Variants in INPP4B observed in about 807,000 individuals in gnomAD.
INPP4B encodes the protein inositol polyphosphate-4-phosphatase type II B.
INPP4B carries 55 observed loss-of-function variants against 122.5 expected under a neutral mutation model. The ratio of observed to expected loss-of-function variants is 0.45; its 90% CI spans 0.36 to 0.56. The LOEUF is 0.56. INPP4B is among the 20% of genes least tolerant of loss of function. The pLI, the probability that INPP4B is intolerant of heterozygous loss-of-function variation, is 0.00. For synonymous variants in INPP4B, 403 were observed against 388.7 expected (o/e 1.04, Z -0.43); for missense variants, 1,000 against 1,097.7 (o/e 0.91, Z 1.26).
At chr4:142,384,442 C>A (rs1270046947) in intron 7 of INPP4B, among the ~76,000 whole-genome samples, 3 of 152,166 alleles carry the variant, frequency 2.0e-5, no homozygotes, top group Non-Finnish European at 4.4e-5. Flanking sequence ...CCCTTGGCTG[C>A]AAACCTGTAC....
At chr4:142,037,126 C>T (rs955831657) in intron 25 of INPP4B, among the ~76,000 whole-genome samples, 3 of 152,158 alleles carry the variant, frequency 2.0e-5, no homozygotes, top group African/African-American at 7.2e-5. Context: ...CAAGATCAGA[C>T]ACTTAAGGGC....
chr4:142,345,091 C>A (rs998148111), intron 7 of INPP4B, among the ~76,000 whole-genome samples: 13 of 151,950 alleles, frequency 8.6e-5, no homozygotes, highest in African/African-American at 2.4e-4. Flanking sequence ...TATTTCTGTG[C>A]AGTCTTAAAT....
At chr4:142,125,259 G>C (rs1012514930) in intron 18 of INPP4B, among the ~76,000 whole-genome samples, 29 of 151,504 alleles carry the variant, frequency 1.9e-4, no homozygotes, top group African/African-American at 7.0e-4. Flanking sequence ...CCTTCCTCCA[G>C]TCACACTCTA....
Position 142,235,353 on chromosome 4 carries a change from T to C in INPP4B, c.836+2511A>G, listed in dbSNP as rs7654218. 1.0e-3 allele frequency among the ~76,000 whole-genome samples: 150 copies of C among 150,472 alleles called. 1 individual carries two copies. The Middle Eastern group carries it at 0.018, about 18-fold the overall frequency. ...AAATTAGTTATTATGTTAAATACTA[T>C]ATATAGTATAATAATATATTATGTT... On this transcript the variant is annotated intron_variant, in intron 12 of 25. Coordinates refer to ENST00000262992, the MANE Select transcript of INPP4B (RefSeq NM_001101669.3).
At chr4:142,791,502 G>A (rs1004757882) in intron 1 of INPP4B, among the ~76,000 whole-genome samples, 3 of 152,118 alleles carry the variant, frequency 2.0e-5, no homozygotes, top group Admixed American at 6.6e-5. Flanking sequence ...ATAGACTGGG[G>A]AGGATTAGAA....
At chr4:142,629,908 G>T (rs527881246) in intron 2 of INPP4B, among the ~76,000 whole-genome samples, 1 of 152,094 alleles carries the variant, frequency 6.6e-6, no homozygotes, top group East Asian at 1.9e-4. Flanking sequence ...ATGTGTCCAA[G>T]GTTGGATGTA....
intron 2 of INPP4B, among the ~76,000 whole-genome samples, chr4:142,470,434 T>C (rs1194264875): frequency 1.3e-5 from 2 of 152,180 alleles, no homozygotes; most frequent in East Asian, 3.8e-4. Flanking sequence ...TGATGCTATT[T>C]TGAGATTGCT....
intron 2 of INPP4B, among the ~76,000 whole-genome samples, chr4:142,636,684 A>T (rs1560899419): frequency 6.6e-6 from 1 of 152,092 alleles, no homozygotes; most frequent in African/African-American, 2.4e-5. Context: ...TAAGAAAAAA[A>T]TATTCTATAT....
chr4:142,032,785 T>C (rs948450783), intron 25 of INPP4B, among the ~76,000 whole-genome samples: 2 of 152,210 alleles, frequency 1.3e-5, no homozygotes, highest in Admixed American at 1.3e-4. Context: ...ATCGAACTGC[T>C]ATGAAGTAGC....
chr4:142,471,461 A>G (rs577423051), intron 2 of INPP4B, among the ~76,000 whole-genome samples: 8 of 152,344 alleles, frequency 5.3e-5, no homozygotes, highest in African/African-American at 1.9e-4. Context: ...AAGTTCACAC[A>G]TCACCAAGAC....
rs189289574 is a variant in INPP4B at position 142,041,266 on chromosome 4, G to T, written c.2643-12352C>A. Among the ~76,000 whole-genome samples, 123 of 152,196 alleles carry T rather than the reference G, an allele frequency of 8.1e-4. 1 individual carries two copies. In the East Asian group the frequency reaches 0.019, roughly 23 times the overall value. On this transcript the variant is annotated intron_variant, in intron 25 of 25. Coordinates refer to ENST00000262992, the MANE Select transcript of INPP4B (RefSeq NM_001101669.3). ...CATCCATACCATAGGATTATTGTGAGAATTATGTAAAGGTACTCAGAACGT... is the reference window on the plus strand; with the variant it reads ...CATCCATACCATAGGATTATTGTGATAATTATGTAAAGGTACTCAGAACGT...
At chr4:142,148,228 CTTGTGTGTGTGT>C (rs886764473) in intron 17 of INPP4B, among the ~76,000 whole-genome samples, 2 of 151,946 alleles carry the variant, frequency 1.3e-5, no homozygotes, top group African/African-American at 4.8e-5. Flanking sequence ...TTGAAAGGAA[CTTGTGTGTGTGT>C]TTGTGTGTGT....
chr4:142,321,600 TG>T (rs1561845984), intron 7 of INPP4B, among the ~76,000 whole-genome samples: 1 of 152,212 alleles, frequency 6.6e-6, no homozygotes, highest in Non-Finnish European at 1.5e-5. Flanking sequence ...TGAGTCGATT[TG>T]TGTATGAGGT....
chr4:142,359,702 T>C (rs1350953685), intron 7 of INPP4B, among the ~76,000 whole-genome samples: 1 of 152,016 alleles, frequency 6.6e-6, no homozygotes, highest in Admixed American at 6.6e-5. Flanking sequence ...TAAGTAATGT[T>C]GAGAAGATAA....
intron 3 of INPP4B, among the ~76,000 whole-genome samples, chr4:142,448,775 A>T (rs2149491615): frequency 6.6e-6 from 1 of 152,326 alleles, no homozygotes; most frequent in Non-Finnish European, 1.5e-5. Context: ...ACAGGAATGT[A>T]TCCTAATTTA....
chr4:142,612,775 C>T (rs891500767), intron 2 of INPP4B, among the ~76,000 whole-genome samples: 1 of 152,088 alleles, frequency 6.6e-6, no homozygotes, highest in African/African-American at 2.4e-5. Context: ...CTAAAGGCCC[C>T]ATGTCCAAAT....
intron 1 of INPP4B, among the ~76,000 whole-genome samples, chr4:142,818,161 T>C (rs1195199161): frequency 6.6e-6 from 1 of 152,162 alleles, no homozygotes; most frequent in Non-Finnish European, 1.5e-5. Context: ...TATGAAAAAG[T>C]GTGAGAGAAG....
chr4:142,713,623 T>C (rs1763384306), intron 2 of INPP4B, among the ~76,000 whole-genome samples: 2 of 152,174 alleles, frequency 1.3e-5, no homozygotes, highest in Admixed American at 1.3e-4. Flanking sequence ...ACTAATAATC[T>C]CCCATTTGAT....
Position 142,082,158 on chromosome 4 carries a change from A to G in INPP4B, c.2515T>C (p.Phe839Leu). The G allele has an allele frequency of 6.5e-7, 1 of 1,528,090 alleles. No homozygotes were observed. The highest frequency in any genetic ancestry group is 8.9e-7 in the Non-Finnish European group (1 of 1,118,320). The allele number at this position is 1,528,090 out of a possible 1,614,324, so 94.7% of individuals were successfully genotyped here. ...TCTTTGGCACTTTTACAACAGGTGAAACGAATACCATTCAGTTTGCGGCAA... is the reference window on the plus strand; with the variant it reads ...TCTTTGGCACTTTTACAACAGGTGAGACGAATACCATTCAGTTTGCGGCAA... The part of the protein sequence containing the change: ...TICRKLNGIR[F>L]TCCKSAKDRT... Residue 839 changes from phenylalanine to leucine, a missense_variant, in exon 25 of 26, where the codon TTC becomes CTC. Physicochemically the swap from Phe to Leu is conservative, Grantham distance 22. Coordinates refer to ENST00000262992, the MANE Select transcript of INPP4B (RefSeq NM_001101669.3).
Sources: gnomAD v4.1 joint callset for allele counts (sites outside exome capture counted in the v4.1 genomes callset) on GRCh38, gnomAD v4.1.1 for gene constraint, MANE v1.5 for transcripts, NCBI Gene and HGNC (gene_info 2026-07-23, HGNC 2026-07-21) for gene names.